The following SYNE2 variants were observed in gnomAD, a reference collection of about 807,000 sequenced individuals.
SYNE2 encodes nesprin-2.
A neutral mutation model predicts 856.3 loss-of-function variants in SYNE2; 431 were observed. The observed-to-expected ratio is 0.50, with a 90% confidence interval of 0.47 to 0.55. The LOEUF is 0.55. Among genes scored for constraint, SYNE2 ranks in the 20% least tolerant of loss-of-function variants. The probability of loss-of-function intolerance (pLI) is 0.00; values close to 1 mark genes in which losing one functional copy is unlikely to be tolerated. For missense variants in SYNE2, 8,129 were observed against 8,023.2 expected (o/e 1.01, Z -0.50); for synonymous variants, 2,923 against 2,872.3 (o/e 1.02, Z -0.56).
At chr14:63,860,455 G>A (rs1893242939) in intron 1 of SYNE2, among the ~76,000 whole-genome samples, 1 of 152,160 alleles carries the variant, frequency 6.6e-6, no homozygotes, top group South Asian at 2.1e-4. Flanking sequence ...TTCTTTTGAT[G>A]GTGTGTGAGA....
At chr14:63,808,717 C>T (rs754251976) in intron 1 of SYNE2, 1 of 152,334 alleles carries the variant, frequency 6.6e-6, no homozygotes, top group Non-Finnish European at 1.5e-5. Context: ...CGTGCTCACC[C>T]TGTTGGAGTC....
At position 64,177,432 on chromosome 14, in the gene SYNE2, T is replaced by G; in HGVS notation, c.17505T>G (p.Asp5835Glu). 1 of 1,614,166 alleles carries G rather than the reference T, an allele frequency of 6.2e-7. No individual in the cohort carries two copies. The highest frequency in any genetic ancestry group is 8.5e-7 in the Non-Finnish European group (1 of 1,180,012). Residue 5835 changes from aspartate (D) to glutamate (E), a missense_variant, in exon 96 of 116, where the codon GAT (aspartate) becomes GAG (glutamate). Physicochemically the swap from Asp to Glu is conservative, Grantham distance 45. Coordinates refer to ENST00000555002, the MANE Select transcript of SYNE2 (RefSeq NM_182914.3). The stretch of plus-strand genomic sequence containing the variant: ...AAGTTTTAAAGGCACAAAGTGAAGA[T>G]CCTCTTCCAGAGCTTCACGAGGACC... ...RLQVLKAQSEDPLPELHEDLH... is the reference protein window; with the variant it reads ...RLQVLKAQSEEPLPELHEDLH...
intron 45 of SYNE2, among the ~76,000 whole-genome samples, 177 bp downstream of exon 45, chr14:64,031,534 T>C (rs2153546127): frequency 6.6e-6 from 1 of 152,364 alleles, no homozygotes; most frequent in South Asian, 2.1e-4. Context: ...AGGATTTCAG[T>C]GGTGAAATAT....
intron 48 of SYNE2, among the ~76,000 whole-genome samples, chr14:64,054,796 A>C (rs2097256220): frequency 6.6e-6 from 1 of 152,220 alleles, no homozygotes; most frequent in South Asian, 2.1e-4. Context: ...TAGTGTTTTC[A>C]GATTGATCAC....
intron 1 of SYNE2, among the ~76,000 whole-genome samples, chr14:63,866,876 A>G (rs776437903): frequency 4.6e-5 from 7 of 152,006 alleles, no homozygotes; most frequent in Non-Finnish European, 1.0e-4. Context: ...GGAGACTGAG[A>G]TGGGAGAATT....
chr14:63,820,747 G>T (rs1233003220), intron 1 of SYNE2, among the ~76,000 whole-genome samples: 1 of 134,886 alleles, frequency 7.4e-6, no homozygotes, highest in African/African-American at 2.6e-5. Context: ...GAGCACAGGA[G>T]AACTTTTTTT....
At position 64,031,011 on chromosome 14, in the gene SYNE2, C is replaced by G; in HGVS notation, c.6880-5C>G. 6.2e-7 allele frequency: 1 copy of G among 1,607,230 alleles called. No individual in the cohort carries two copies. The highest frequency in any genetic ancestry group is 8.5e-7 in the Non-Finnish European group (1 of 1,174,230). On this transcript the variant is annotated splice_polypyrimidine_tract_variant and splice_region_variant and intron_variant, in intron 44 of 115. Transcript: ENST00000555002. ...GAGATATAACAATCTTTTCTCCACT[C>G]GTAGGAACTAGAGAATAGACTCAGT...
chr14:64,054,747 T>A (rs1275913006), intron 48 of SYNE2, among the ~76,000 whole-genome samples: 4 of 152,204 alleles, frequency 2.6e-5, no homozygotes, highest in Non-Finnish European at 1.5e-5. Flanking sequence ...ATCTTAGGCA[T>A]CATTGAAATT....
chr14:63,786,609 A>C (rs1222862324), intron 1 of SYNE2, among the ~76,000 whole-genome samples: 2 of 152,196 alleles, frequency 1.3e-5, no homozygotes, highest in African/African-American at 4.8e-5. Context: ...ATGAGGACCC[A>C]ACTCTATTTG....
intron 7 of SYNE2, among the ~76,000 whole-genome samples, chr14:63,953,539 G>GAT (rs1566897832): frequency 0.035 from 4,598 of 131,308 alleles, 221 homozygotes; most frequent in African/African-American, 0.13. Flanking sequence ...GATAGAGAGA[G>GAT]AGAGAGATAG....
chr14:64,118,778 T>C lies in SYNE2; in HGVS notation c.12841-649T>C, dbSNP rs534225858. Among the ~76,000 whole-genome samples the C allele has an allele frequency of 2.0e-5, 3 of 151,712 alleles. No individual in the cohort carries two copies. In the South Asian group the frequency reaches 6.3e-4, roughly 32 times the overall value. The stretch of plus-strand genomic sequence containing the variant: ...CGGGAGGCTGAGGCAGGAGAATTAC[T>C]TGAACCTGGGAGGTGGAGGTTGCAG... On this transcript the variant is annotated intron_variant, in intron 66 of 115. Coordinates refer to ENST00000555002, the MANE Select transcript of SYNE2 (RefSeq NM_182914.3).
At chr14:63,872,813 G>C (rs563552714) in intron 1 of SYNE2, among the ~76,000 whole-genome samples, 33 of 146,646 alleles carry the variant, frequency 2.3e-4, no homozygotes, top group African/African-American at 7.7e-4. Flanking sequence ...CAGTTTTACT[G>C]TATGTTGCAC....
chr14:64,173,782 C>G, intron 94 of SYNE2: 1 of 534,460 alleles, frequency 1.9e-6, no homozygotes. Flanking sequence ...ATATTTAGAA[C>G]AGACAAAAAC....
chr14:63,985,059 C>G (rs2096614396), intron 18 of SYNE2, among the ~76,000 whole-genome samples: 1 of 152,124 alleles, frequency 6.6e-6, no homozygotes, highest in African/African-American at 2.4e-5. Flanking sequence ...TATCTTTCGG[C>G]TGGGAGCGGT....
At position 64,210,179 on chromosome 14, in the gene SYNE2, G is replaced by C. The variant is rs941430281; in HGVS notation, c.18723+55G>C. 4 of 1,582,688 alleles carry C rather than the reference G, an allele frequency of 2.5e-6. No individual in the cohort carries two copies. The African/African-American group carries it at 5.4e-5, about 21-fold the overall frequency. On this transcript the variant is annotated intron_variant, in intron 103 of 115. Coordinates refer to ENST00000555002, the MANE Select transcript of SYNE2 (RefSeq NM_182914.3). ...AGATTTTCCAGGAGACATAACGCAC[G>C]ATACGCAATGGCAGGCTTGTGGCAC...
chr14:64,222,819 T>TG (rs2098701103), intron 112 of SYNE2, among the ~76,000 whole-genome samples: 3 of 152,208 alleles, frequency 2.0e-5, no homozygotes, highest in Admixed American at 2.0e-4. Context: ...TTGCCTGGTA[T>TG]GAACCTCTAT....
At chr14:63,807,856 TA>T (rs1888436562) in intron 1 of SYNE2, among the ~76,000 whole-genome samples, 1 of 99,968 alleles carries the variant, frequency 1.0e-5, no homozygotes, top group African/African-American at 4.0e-5. Context: ...TATATATATA[TA>T]TATATATAAT....
In SYNE2 at chr14:64,017,550, CT is replaced by C. The variant is rs556294562; in HGVS notation, c.4888-41del. 2.6e-4 allele frequency: 394 copies of C among 1,521,864 alleles called. 18 individuals carry two copies. The South Asian group carries it at 4.3e-3, about 17-fold the overall frequency. The allele number at this position is 1,521,864 out of a possible 1,614,324, so 94.3% of individuals were successfully genotyped here. A position where few individuals can be genotyped will look rare whatever the true frequency, so the allele number is the denominator to read the frequency against. On this transcript the variant is annotated intron_variant, in intron 33 of 115. Coordinates refer to ENST00000555002, the MANE Select transcript of SYNE2 (RefSeq NM_182914.3). ...TTTGGCTGAAACAGTGGTTTTCAGA[CT>C]TTTCACTGCTACATATGTTGTTTCT...
intron 6 of SYNE2, among the ~76,000 whole-genome samples, chr14:63,943,665 A>G (rs913478350): frequency 7.9e-5 from 9 of 114,174 alleles, no homozygotes; most frequent in Non-Finnish European, 9.9e-5. Context: ...TTTTTTTATT[A>G]CTTATTATTA....
Sources: gnomAD v4.1 joint callset for allele counts (sites outside exome capture counted in the v4.1 genomes callset) on GRCh38, gnomAD v4.1.1 for gene constraint, MANE v1.5 for transcripts, NCBI Gene and HGNC (gene_info 2026-07-23, HGNC 2026-07-21) for gene names.